RXRG: variants seen among roughly 807,000 people sequenced by gnomAD.
RXRG encodes retinoid X receptor gamma, also known as retinoic acid receptor RXR-gamma.
RXRG carries 19 observed loss-of-function variants against 49.2 expected under a neutral mutation model. The observed-to-expected ratio is 0.39, with a 90% CI of 0.27 to 0.57. The LOEUF (loss-of-function observed/expected upper bound fraction) is 0.57. RXRG is among the 20% of genes least tolerant of loss of function. The probability of loss-of-function intolerance (pLI) is 0.64; values close to 1 mark genes in which losing one functional copy is unlikely to be tolerated. For missense variants in RXRG, 452 were observed against 592.5 expected, an observed-to-expected ratio of 0.76 and a Z score of 2.46; for synonymous variants, 224 against 216.6, an observed-to-expected ratio of 1.03 and a Z score of -0.30.
intron 1 of RXRG, among the ~76,000 whole-genome samples, chr1:165,434,109 T>A (rs1658757002): frequency 6.6e-6 from 1 of 152,190 alleles, no homozygotes; most frequent in Admixed American, 6.5e-5. Context: ...CAAATAGGCC[T>A]AACTCAGAGG....
intron 2 of RXRG, among the ~76,000 whole-genome samples, chr1:165,423,236 C>G (rs1658379156): frequency 6.6e-6 from 1 of 152,220 alleles, no homozygotes; most frequent in East Asian, 1.9e-4. Flanking sequence ...CCAAGTCCCC[C>G]AATCCCGGCT....
intron 4 of RXRG, among the ~76,000 whole-genome samples, chr1:165,412,710 C>T (rs1217754291): frequency 6.6e-6 from 1 of 152,088 alleles, no homozygotes; most frequent in Non-Finnish European, 1.5e-5. Flanking sequence ...GTCTTTTTAC[C>T]CCCTTGGGCT....
At chr1:165,413,905 C>T (rs1658038616) in intron 4 of RXRG, among the ~76,000 whole-genome samples, 1 of 152,186 alleles carries the variant, frequency 6.6e-6, no homozygotes, top group Admixed American at 6.5e-5. Flanking sequence ...AGGTCCTGGC[C>T]CCTGATCCCA....
chr1:165,418,818 C>T (rs188066725), intron 3 of RXRG, among the ~76,000 whole-genome samples: 7 of 152,042 alleles, frequency 4.6e-5, no homozygotes, highest in East Asian at 1.9e-4. Flanking sequence ...AAAACACTGT[C>T]GGGCTGTGGC....
At chr1:165,417,592 G>A (rs989525744) in intron 3 of RXRG, among the ~76,000 whole-genome samples, 5 of 152,058 alleles carry the variant, frequency 3.3e-5, no homozygotes, top group African/African-American at 9.7e-5. Flanking sequence ...TGCTTGTCAC[G>A]TATTACCTAG....
rs181383516 is a variant in RXRG, at chr1:165,425,967, G to A, written c.297+2752C>T. 6.0e-3 allele frequency among the ~76,000 whole-genome samples: 921 copies of A among 152,354 alleles called. 9 individuals carry two copies. The highest frequency in any genetic ancestry group is 0.021 in the African/African-American group (889 of 41,580). On this transcript the variant is annotated intron_variant, in intron 2 of 9. Coordinates refer to ENST00000359842, the MANE Select transcript of RXRG (RefSeq NM_006917.5). ...TATATCACAGCATTAGGCAAATGCA[G>A]GGTTGTGAACACAGGGCTGCAAGCC... is the stretch of plus-strand genomic sequence containing the variant.
rs749355051 is a variant in RXRG, at chr1:165,410,740, T to C, written c.875A>G (p.Asp292Gly). 7.4e-6 allele frequency: 12 copies of C among 1,613,912 alleles called. No homozygotes were observed. The Admixed American group carries it at 2.0e-4, about 27-fold the overall frequency. Residue 292 changes from aspartate to glycine, a missense_variant, in exon 6 of 10, where the codon GAC (aspartate) becomes GGC (glycine). Asp to Gly is a moderately conservative substitution (Grantham distance 94, BLOSUM62 -1). Transcript: ENST00000359842. ...AATGACCTGGTCCTCCAAGGTGAGG[T>C]CAGAGAAGTGGGGAATACGCTTGGC... Reference protein sequence around the residue: ...EWAKRIPHFSDLTLEDQVILL... With the variant: ...EWAKRIPHFSGLTLEDQVILL...
intron 2 of RXRG, among the ~76,000 whole-genome samples, chr1:165,422,310 T>A (rs988198608): frequency 6.6e-6 from 1 of 152,136 alleles, no homozygotes; most frequent in African/African-American, 2.4e-5. Flanking sequence ...AGCCTTAAAG[T>A]GGGTTTATTC....
chr1:165,437,243 C>T lies in RXRG; in HGVS notation c.49+7602G>A, dbSNP rs936994505. ...GCCAGTCAGTCAGTCAGCCAGCACG[C>T]CTGGCTAAGCATCTGCTTGTATATG... On this transcript the variant is annotated intron_variant, in intron 1 of 9. Transcript: ENST00000359842. 8 of 1,363,774 alleles carry T rather than the reference C, an allele frequency of 5.9e-6. No homozygotes were observed. The African/African-American group carries it at 7.4e-5, about 13-fold the overall frequency. 84.5% of individuals were successfully genotyped at this position (1,363,774 alleles called of 1,614,324 possible). A position where few individuals can be genotyped will look rare whatever the true frequency, so the allele number is the denominator to read the frequency against.
At chr1:165,427,264 C>T (rs1385284053) in intron 2 of RXRG, among the ~76,000 whole-genome samples, 1 of 152,196 alleles carries the variant, frequency 6.6e-6, no homozygotes, top group Non-Finnish European at 1.5e-5. Flanking sequence ...AGAGAAGAAG[C>T]TGTGGCAGAT....
chr1:165,426,925 CA>C (rs766741586), intron 2 of RXRG, among the ~76,000 whole-genome samples: 28 of 152,016 alleles, frequency 1.8e-4, no homozygotes, highest in Admixed American at 7.9e-4. Flanking sequence ...AGTTCAGAGA[CA>C]GGAAAAAAAA....
intron 2 of RXRG, among the ~76,000 whole-genome samples, chr1:165,428,247 A>T (rs1015282364): frequency 2.0e-5 from 3 of 152,228 alleles, no homozygotes; most frequent in Non-Finnish European, 2.9e-5. Flanking sequence ...CATGTAATGC[A>T]GTCTGCCTTG....
intron 4 of RXRG, among the ~76,000 whole-genome samples, chr1:165,412,982 C>G (rs1658002989): frequency 6.6e-6 from 1 of 152,172 alleles, no homozygotes; most frequent in African/African-American, 2.4e-5. Flanking sequence ...AAGTTTCATT[C>G]GTGGTCCTCA....
chr1:165,430,025 C>T lies in RXRG; in HGVS notation c.50-1059G>A, dbSNP rs116190434. ...CCACCGTGGATCCCATCACTAGATC[C>T]CTGTGCAGCTAGCATGCAAGAACAG... On this transcript the variant is annotated intron_variant, in intron 1 of 9. Transcript: ENST00000359842. Among the ~76,000 whole-genome samples the T allele has an allele frequency of 5.0e-3, 762 of 152,222 alleles. 6 individuals carry two copies. Among genetic ancestry groups the T allele is most frequent in the African/African-American group, 0.018 (730 of 41,522 alleles).
chr1:165,426,356 C>A (rs1350098190), intron 2 of RXRG, among the ~76,000 whole-genome samples: 3 of 152,166 alleles, frequency 2.0e-5, no homozygotes, highest in Non-Finnish European at 4.4e-5. Context: ...GGGAGCAGGG[C>A]AGCTCTCCAC....
intron 8 of RXRG, among the ~76,000 whole-genome samples, chr1:165,407,160 G>T (rs1337952129): frequency 6.6e-6 from 1 of 152,158 alleles, no homozygotes; most frequent in Non-Finnish European, 1.5e-5. Flanking sequence ...CTGACTCTAA[G>T]GAGGAGAGCT....
At chr1:165,443,118 G>A (rs1324194547) in intron 1 of RXRG, among the ~76,000 whole-genome samples, 3 of 152,148 alleles carry the variant, frequency 2.0e-5, no homozygotes, top group Admixed American at 6.5e-5. Context: ...AACATTCCAA[G>A]ATTCCAGCCC....
rs77875554 is a variant in RXRG at position 165,437,076 on chromosome 1, T to C, written c.49+7769A>G. The C allele has an allele frequency of 3.4e-4, 450 of 1,337,134 alleles. 1 individual carries two copies. In the South Asian group the frequency reaches 4.3e-3, roughly 13 times the overall value. The allele number at this position is 1,337,134 out of a possible 1,614,324, so 82.8% of individuals were successfully genotyped here. ...GACTCAAAATCTCCTTTGCTCCTCC[T>C]TTTCATTTTACTGGTCACTAGTGTC... is the stretch of plus-strand genomic sequence containing the variant. On this transcript the variant is annotated intron_variant, in intron 1 of 9. Coordinates refer to ENST00000359842, the MANE Select transcript of RXRG (RefSeq NM_006917.5).
chr1:165,431,660 G>A (rs1005480944), intron 1 of RXRG, among the ~76,000 whole-genome samples: 8 of 152,102 alleles, frequency 5.3e-5, no homozygotes, highest in Non-Finnish European at 8.8e-5. Context: ...GAGAGACTGC[G>A]CCTTTCTATT....
Sources: gnomAD v4.1 joint callset for allele counts (sites outside exome capture counted in the v4.1 genomes callset) on GRCh38, gnomAD v4.1.1 for gene constraint, MANE v1.5 for transcripts, NCBI Gene and HGNC (gene_info 2026-07-23, HGNC 2026-07-21) for gene names.